Variants in SLC2A3 observed in about 807,000 individuals in gnomAD.
The protein encoded by SLC2A3 is solute carrier family 2 member 3, also known as solute carrier family 2, facilitated glucose transporter member 3.
In SLC2A3, 21 loss-of-function variants were observed where a neutral mutation model predicts 46.4. That is an observed-to-expected ratio of 0.45 (90% CI 0.32 to 0.65). SLC2A3 has a LOEUF of 0.65. SLC2A3 is among the 30% of genes least tolerant of loss of function. SLC2A3 has a pLI of 0.04. For synonymous variants in SLC2A3, 213 were observed against 239.4 expected (o/e 0.89, Z 1.02); for missense variants, 499 against 623.3 (o/e 0.80, Z 2.12).
intron 1 of SLC2A3, 138 bp from the exon 2 acceptor site, chr12:7,934,040 A>G (rs529808951): frequency 5.1e-5 from 37 of 725,644 alleles, no homozygotes; most frequent in Non-Finnish European, 8.3e-5. Context: ...GATTTAGGTA[A>G]TTAATGGGGA....
At position 7,921,442 on chromosome 12, in the gene SLC2A3, GCT is replaced by G; in HGVS notation, c.1460_1461del (p.Glu487AlafsTer3). 6.2e-7 allele frequency: 1 copy of G among 1,613,990 alleles called. No homozygotes were observed. Among genetic ancestry groups the G allele is most frequent in the East Asian group, 2.2e-5 (1 of 44,874 alleles). ...KDGVMEMNSI[E>X]PAKETTTNV Reference sequence around the variant, plus strand: ...ACATTGGTGGTGGTCTCCTTAGCAGGCTCGATGCTGTTCATCTCCATGACGCC... The same window carrying G: ...ACATTGGTGGTGGTCTCCTTAGCAGGCGATGCTGTTCATCTCCATGACGCC... On this transcript the variant is annotated frameshift_variant, in exon 10 of 10. Coordinates refer to ENST00000075120, the MANE Select transcript of SLC2A3 (RefSeq NM_006931.3). LOFTEE classifies it high-confidence loss of function.
rs1255567507 is a variant in SLC2A3, at chr12:7,931,232, A to C, written c.510+13T>G. 2.5e-6 allele frequency: 4 copies of C among 1,613,788 alleles called. No individual in the cohort carries two copies. In the Admixed American group the frequency reaches 5.0e-5, roughly 20 times the overall value. ...AAACTAACACTCATTAAGTATGAGA[A>C]GTTCTAGAGTACCTGGGCCACCAGA... On this transcript the variant is annotated intron_variant, in intron 4 of 9. Transcript: ENST00000075120.
Position 7,925,953 on chromosome 12 carries a change from G to A in SLC2A3, c.862-5C>T, listed in dbSNP as rs774749758. 6.2e-7 allele frequency: 1 copy of A among 1,608,788 alleles called. No individual in the cohort carries two copies. On this transcript the variant is annotated splice_region_variant and splice_polypyrimidine_tract_variant and intron_variant, in intron 6 of 9. Transcript: ENST00000075120. ...TCCTGTTGAGTAATAGAACACCTAG[G>A]AGAAAAGAAAACATGCAGCTTTGAT...
In SLC2A3 at chr12:7,926,578, G is replaced by T. The variant is rs12305329; in HGVS notation, c.862-630C>A. Among the ~76,000 whole-genome samples, 2,816 of 152,212 alleles carry T rather than the reference G, an allele frequency of 0.019. 183 individuals are homozygous for T. In the East Asian group the frequency reaches 0.23, roughly 12 times the overall value. Reference sequence around the variant, plus strand: ...ACAGCAACTCACTGTTGCCCAGGCTGGTCCTAAACTCTTGGTCTCAAGTGA... The same window carrying T: ...ACAGCAACTCACTGTTGCCCAGGCTTGTCCTAAACTCTTGGTCTCAAGTGA... On this transcript the variant is annotated intron_variant, in intron 6 of 9. Transcript: ENST00000075120.
At position 7,936,023 on chromosome 12, in the gene SLC2A3, C is replaced by G. The variant is rs1396324501; in HGVS notation, c.12G>C (p.Gln4His). MGT[Q>H]KVTPALIFAI... ...CCAGTAATTATATCATTCTTACCTT[C>G]TGTGTCCCCATCGCTGTAATCTAAT... is the stretch of plus-strand genomic sequence containing the variant. Residue 4 changes from glutamine to histidine, a missense_variant, in exon 1 of 10, where the codon CAG becomes CAC. Physicochemically the swap from Gln to His is conservative, Grantham distance 24. Coordinates refer to ENST00000075120, the MANE Select transcript of SLC2A3 (RefSeq NM_006931.3). The G allele has an allele frequency of 3.7e-6, 6 of 1,606,316 alleles. No individual in the cohort carries two copies. Among genetic ancestry groups the G allele is most frequent in the Non-Finnish European group, 4.3e-6 (5 of 1,172,898 alleles).
In SLC2A3 at chr12:7,920,004, T is replaced by C. The variant is rs1032195397; in HGVS notation, c.*1409A>G. 3 of 152,120 alleles carry C rather than the reference T, an allele frequency of 2.0e-5. No individual in the cohort carries two copies. Among genetic ancestry groups the C allele is most frequent in the African/African-American group, 7.2e-5 (3 of 41,392 alleles). 9.4% of individuals were successfully genotyped at this position (152,120 alleles called of 1,614,324 possible). On this transcript the variant is annotated 3_prime_UTR_variant, in exon 10 of 10. Transcript: ENST00000075120. ...ACTCATACTGTCTAAACCTGGTTTA[T>C]TGGAAAGATTCAAGTCCCCTGAGGG... is the stretch of plus-strand genomic sequence containing the variant.
chr12:7,933,569 C>T (rs1799800962), intron 2 of SLC2A3: 1 of 523,216 alleles, frequency 1.9e-6, no homozygotes, highest in Non-Finnish European at 3.4e-6. Context: ...CAGTCTTGGA[C>T]AGGATAGATA....
chr12:7,933,349 G>A, intron 2 of SLC2A3: 1 of 697,738 alleles, frequency 1.4e-6, no homozygotes, highest in Non-Finnish European at 2.3e-6. Flanking sequence ...GTAGGTGGCA[G>A]CACCGATGTT....
chr12:7,927,573 A>G (rs1946108510), intron 6 of SLC2A3, among the ~76,000 whole-genome samples: 1 of 152,098 alleles, frequency 6.6e-6, no homozygotes, highest in Admixed American at 6.6e-5. Flanking sequence ...TCATTTGTGC[A>G]AAGTAGGTTG....
In SLC2A3 at chr12:7,929,777, G is replaced by A. The variant is rs147684244; in HGVS notation, c.768C>T (p.Thr256=). Residue 256 remains threonine, a synonymous_variant, in exon 6 of 10, where the codon ACC becomes ACT. Transcript: ENST00000075120. ...TGGACACTCTAAAGAGCTCTAGCAC[G>A]GTGACTTGCTTTTCTTGTGACATCC... The part of the protein sequence containing the change: ...SARMSQEKQV[T]VLELFRVSSY... The A allele has an allele frequency of 7.4e-4, 1,202 of 1,613,600 alleles. 7 individuals are homozygous for A. The African/African-American group carries it at 0.014, about 19-fold the overall frequency.
At position 7,931,926 on chromosome 12, in the gene SLC2A3, G is replaced by A. The variant is rs777682013; in HGVS notation, c.270-441C>T. Among the ~76,000 whole-genome samples the A allele has an allele frequency of 2.7e-5, 4 of 149,814 alleles. No homozygotes were observed. The South Asian group carries it at 8.4e-4, about 32-fold the overall frequency. ...AGACGGAGTCTTGGTCTGTCACCCA[G>A]GCTGGAGTGCAGTGGCAGGATCTCG... On this transcript the variant is annotated intron_variant, in intron 3 of 9. Coordinates refer to ENST00000075120, the MANE Select transcript of SLC2A3 (RefSeq NM_006931.3).
At chr12:7,922,674 C>A in intron 9 of SLC2A3, 147 bp downstream of exon 9, 1 of 1,153,222 alleles carries the variant, frequency 8.7e-7, no homozygotes, top group African/African-American at 1.6e-5. Flanking sequence ...GAACTCCTGA[C>A]CTCAGGTGAT....
chr12:7,925,767 G>C (rs2121186334), intron 7 of SLC2A3, 77 bp downstream of exon 7: 1 of 1,113,192 alleles, frequency 9.0e-7, no homozygotes, highest in Non-Finnish European at 1.4e-6. Flanking sequence ...ATGATGGTAG[G>C]GTCATGCAAT....
Position 7,923,029 on chromosome 12 carries a change from A to T in SLC2A3, c.1069-5T>A. On this transcript the variant is annotated splice_polypyrimidine_tract_variant and splice_region_variant and intron_variant, in intron 8 of 9. Coordinates refer to ENST00000075120, the MANE Select transcript of SLC2A3 (RefSeq NM_006931.3). ...GCTCATCCCATTATAGTTATCCTGT[A>T]AGAGCAAGGAACAGAGAAAATTAAA... 5.0e-6 allele frequency: 8 copies of T among 1,610,334 alleles called. No homozygotes were observed. Among genetic ancestry groups the T allele is most frequent in the Non-Finnish European group, 5.1e-6 (6 of 1,178,378 alleles).
In SLC2A3 at chr12:7,920,422, T is replaced by C. The variant is rs1230670817; in HGVS notation, c.*991A>G. On this transcript the variant is annotated 3_prime_UTR_variant, in exon 10 of 10. Transcript: ENST00000075120. ...AGGCTTTCTAGAAATCACTTTCTCTTCCCTGGACTCCATCCAAAATTAGAA... is the reference window on the plus strand; with the variant it reads ...AGGCTTTCTAGAAATCACTTTCTCTCCCCTGGACTCCATCCAAAATTAGAA... 2 of 152,050 alleles carry C rather than the reference T, an allele frequency of 1.3e-5. No individual in the cohort carries two copies. The highest frequency in any genetic ancestry group is 4.8e-5 in the African/African-American group (2 of 41,386). The allele number at this position is 152,050 out of a possible 1,614,324, so 9.4% of individuals were successfully genotyped here.
chr12:7,933,176 C>A, intron 2 of SLC2A3, 29 bp from the exon 3 acceptor site: 1 of 1,609,686 alleles, frequency 6.2e-7, no homozygotes, highest in Non-Finnish European at 8.5e-7. Flanking sequence ...GGTGGAAGAA[C>A]AGACTGTTAC....
intron 8 of SLC2A3, among the ~76,000 whole-genome samples, chr12:7,923,662 G>A (rs772675253): frequency 1.3e-5 from 2 of 151,936 alleles, no homozygotes; most frequent in South Asian, 4.2e-4. Context: ...TTCTTGCCAT[G>A]TTGCGTAGGC....
Position 7,921,459 on chromosome 12 carries a change from T to A in SLC2A3, c.1445A>T (p.Glu482Val). ...CTTAGCAGGCTCGATGCTGTTCATC[T>A]CCATGACGCCGTCCTTTCCAGATCT... ...ADRSGKDGVM[E>V]MNSIEPAKET... The change falls in exon 10 of 10, where the codon GAG (glutamate) becomes GTG (valine). Residue 482 changes from glutamate to valine, a missense_variant. Around this residue, in one of 5 missense-constraint regions of SLC2A3, gnomAD observed 179 missense variants for 205.1 expected, o/e 0.87. Transcript: ENST00000075120. The A allele has an allele frequency of 6.6e-7, 1 of 1,520,470 alleles. No homozygotes were observed. 94.2% of individuals were successfully genotyped at this position (1,520,470 alleles called of 1,614,324 possible).
chr12:7,935,984 A>G, intron 1 of SLC2A3, 36 bp downstream of exon 1: 1 of 1,556,314 alleles, frequency 6.4e-7, no homozygotes, highest in Non-Finnish European at 8.9e-7. Flanking sequence ...TGTATCCCAA[A>G]CAAGCAAAAA....
Sources: allele counts gnomAD v4.1 joint callset (sites outside exome capture counted in the v4.1 genomes callset), GRCh38; gene constraint gnomAD v4.1.1; regional missense constraint gnomAD v4.1.1; transcripts MANE v1.5; gene names NCBI Gene and HGNC (gene_info 2026-07-23, HGNC 2026-07-21).